Variants in TTLL6 observed in about 807,000 individuals in gnomAD.
TTLL6 encodes tubulin polyglutamylase TTLL6.
A neutral mutation model predicts 96.4 loss-of-function variants in TTLL6; 75 were observed. The ratio of observed to expected loss-of-function variants is 0.78; its 90% CI spans 0.65 to 0.94. TTLL6 has a LOEUF of 0.94. TTLL6 is among the 40% of genes least tolerant of loss of function. The probability of loss-of-function intolerance (pLI) is 0.00; values close to 1 mark genes in which losing one functional copy is unlikely to be tolerated. For synonymous variants in TTLL6, 411 were observed against 419.4 expected (o/e 0.98, Z 0.24); for missense variants, 1,030 against 1,093.0 (o/e 0.94, Z 0.81).
chr17:48,766,941 T>G (rs920504849), intron 15 of TTLL6, among the ~76,000 whole-genome samples: 1 of 151,598 alleles, frequency 6.6e-6, no homozygotes, highest in Admixed American at 6.6e-5. Context: ...GTTGTTTTGT[T>G]TTGTTTTGTT....
intron 8 of TTLL6, chr17:48,794,463 C>T: frequency 2.5e-6 from 3 of 1,205,318 alleles, no homozygotes; most frequent in Non-Finnish European, 3.4e-6. Flanking sequence ...AGTGCAGGCT[C>T]AGAGAGATGA....
chr17:48,809,008 A>T (rs887093526), intron 1 of TTLL6, among the ~76,000 whole-genome samples: 2 of 152,170 alleles, frequency 1.3e-5, no homozygotes, highest in Non-Finnish European at 2.9e-5. Context: ...GCTACCTATA[A>T]ATAATATAAT....
In TTLL6 at chr17:48,817,172, C is replaced by T; in HGVS notation, c.-100G>A. ...CGGGGCCTTCTAGGCCTTCGATTGG[C>T]CCCTGCAGTAGCTGCCATGCCCCCT... On this transcript the variant is annotated 5_prime_UTR_variant, in exon 1 of 16. Transcript: ENST00000393382. The T allele has an allele frequency of 3.9e-6, 3 of 776,530 alleles. No homozygotes were observed. Among genetic ancestry groups the T allele is most frequent in the Middle Eastern group, 2.4e-4 (1 of 4,100 alleles). 48.1% of individuals were successfully genotyped at this position (776,530 alleles called of 1,614,324 possible).
At position 48,762,946 on chromosome 17, in the gene TTLL6, G is replaced by A. The variant is rs1407094906; in HGVS notation, c.*28C>T. 1 of 455,760 alleles carries A rather than the reference G, an allele frequency of 2.2e-6. No individual in the cohort carries two copies. The highest frequency in any genetic ancestry group is 4.4e-6 in the Non-Finnish European group (1 of 226,636). 28.2% of individuals were successfully genotyped at this position (455,760 alleles called of 1,614,324 possible). On this transcript the variant is annotated 3_prime_UTR_variant, in exon 16 of 16. Transcript: ENST00000393382. ...TTCCTGCAAGTTAAGAGGTAGGAAGGGAAAAGTGGCAGAGATCCAGTCTGA... is the reference window on the plus strand; with the variant it reads ...TTCCTGCAAGTTAAGAGGTAGGAAGAGAAAAGTGGCAGAGATCCAGTCTGA...
intron 5 of TTLL6, 136 bp from the exon 6 acceptor site, chr17:48,799,896 C>T (rs1436127833): frequency 2.6e-5 from 20 of 765,754 alleles, no homozygotes; most frequent in Non-Finnish European, 4.1e-5. Flanking sequence ...CCCAGAGGTC[C>T]AGCAATGGGA....
chr17:48,816,876 TG>T, intron 1 of TTLL6, 93 bp downstream of exon 1: 1 of 936,836 alleles, frequency 1.1e-6, no homozygotes, highest in Non-Finnish European at 1.5e-6. Context: ...GGGTCCCGTG[TG>T]GGTTTAAGGA....
chr17:48,777,744 T>A (rs7213379), intron 13 of TTLL6, among the ~76,000 whole-genome samples: 77,698 of 143,112 alleles, frequency 0.54, 22,894 homozygotes, highest in East Asian at 0.77. Flanking sequence ...AAAAAAAAAA[T>A]ATACAAAAAT....
At chr17:48,803,814 AC>A (rs2143457382) in intron 3 of TTLL6, 76 bp downstream of exon 3, 2 of 1,441,552 alleles carry the variant, frequency 1.4e-6, no homozygotes, top group East Asian at 5.0e-5. Flanking sequence ...TCACAAATAT[AC>A]AAGAGTGACT....
At chr17:48,790,512 G>T (rs1044463401) in intron 9 of TTLL6, among the ~76,000 whole-genome samples, 11 of 152,186 alleles carry the variant, frequency 7.2e-5, no homozygotes, top group African/African-American at 2.7e-4. Flanking sequence ...GTGGAGGGGA[G>T]ACATGTGGGA....
intron 9 of TTLL6, among the ~76,000 whole-genome samples, chr17:48,791,040 T>C (rs149225093): frequency 1.3e-5 from 2 of 152,350 alleles, no homozygotes; most frequent in East Asian, 1.9e-4. Flanking sequence ...TGTCTGATAC[T>C]GAACGTTGCC....
intron 1 of TTLL6, among the ~76,000 whole-genome samples, chr17:48,812,740 C>A (rs2039614013): frequency 6.6e-6 from 1 of 152,208 alleles, no homozygotes; most frequent in Non-Finnish European, 1.5e-5. Flanking sequence ...ATGAGATGTT[C>A]ATATGCTCCT....
At chr17:48,796,257 A>G in intron 7 of TTLL6, 111 bp from the exon 8 acceptor site, 2 of 804,460 alleles carry the variant, frequency 2.5e-6, no homozygotes, top group Non-Finnish European at 4.0e-6. Context: ...AAGAAAGGGA[A>G]GTTTTAGGGC....
chr17:48,784,273 T>C lies in TTLL6; in HGVS notation c.2040+650A>G, dbSNP rs182114597. The stretch of plus-strand genomic sequence containing the variant: ...TACAAAAATTAGCCCGGCATGGTGG[T>C]GTGTGCCTGCAGTCCCAGCTACTTG... On this transcript the variant is annotated intron_variant, in intron 13 of 15. Coordinates refer to ENST00000393382, the MANE Select transcript of TTLL6 (RefSeq NM_001130918.3). Among the ~76,000 whole-genome samples the C allele has an allele frequency of 4.0e-5, 6 of 151,352 alleles. 1 individual carries two copies. The East Asian group carries it at 1.2e-3, about 29-fold the overall frequency.
At chr17:48,780,627 T>G (rs1193263624) in intron 13 of TTLL6, among the ~76,000 whole-genome samples, 1 of 152,248 alleles carries the variant, frequency 6.6e-6, no homozygotes, top group African/African-American at 2.4e-5. Flanking sequence ...GTGAAACTTA[T>G]GTATTTATTA....
At chr17:48,812,723 A>G (rs1337842583) in intron 1 of TTLL6, among the ~76,000 whole-genome samples, 1 of 152,220 alleles carries the variant, frequency 6.6e-6, no homozygotes, top group Non-Finnish European at 1.5e-5. Flanking sequence ...TAGAAAAGAT[A>G]CTAAAAATGA....
At position 48,799,511 on chromosome 17, in the gene TTLL6, C is replaced by T. The variant is rs1337142872; in HGVS notation, c.768+93G>A. The T allele has an allele frequency of 3.7e-6, 5 of 1,339,218 alleles. No individual in the cohort carries two copies. The Admixed American group carries it at 6.6e-5, about 18-fold the overall frequency. The allele number at this position is 1,339,218 out of a possible 1,614,324, so 83.0% of individuals were successfully genotyped here. The stretch of plus-strand genomic sequence containing the variant: ...GCCAGGTCAGCTCCACCTCCACCTT[C>T]ACCCTCCATCCCCTCATTTCACATT... On this transcript the variant is annotated intron_variant, in intron 6 of 15. Coordinates refer to ENST00000393382, the MANE Select transcript of TTLL6 (RefSeq NM_001130918.3).
At chr17:48,797,717 G>T (rs1419702749) in intron 6 of TTLL6, among the ~76,000 whole-genome samples, 1 of 151,200 alleles carries the variant, frequency 6.6e-6, no homozygotes, top group Non-Finnish European at 1.5e-5. Context: ...AGCCCCGGGG[G>T]GCAGAAATTG....
intron 10 of TTLL6, among the ~76,000 whole-genome samples, chr17:48,789,124 A>T (rs1309187821): frequency 6.6e-6 from 1 of 152,268 alleles, no homozygotes; most frequent in East Asian, 1.9e-4. Context: ...AGTAAAAAAA[A>T]AAAAAAGGAA....
intron 13 of TTLL6, among the ~76,000 whole-genome samples, chr17:48,784,629 T>C (rs653583): frequency 0.99 from 150,308 of 152,260 alleles, 74,219 homozygotes; most frequent in Middle Eastern, 1. Flanking sequence ...TCAAGAACTG[T>C]GAGAGAATAA....
Sources: allele counts gnomAD v4.1 joint callset (sites outside exome capture counted in the v4.1 genomes callset), GRCh38; gene constraint gnomAD v4.1.1; transcripts MANE v1.5; gene names NCBI Gene and HGNC (gene_info 2026-07-23, HGNC 2026-07-21).